Variants in KIAA0408 observed in about 807,000 individuals in gnomAD.
KIAA0408 encodes the protein uncharacterized protein KIAA0408.
Under a neutral mutation model 60.9 loss-of-function variants are expected in KIAA0408, and 51 were observed. That is an observed-to-expected ratio of 0.84 (90% CI 0.67 to 1.06). The LOEUF (loss-of-function observed/expected upper bound fraction) is 1.06, where lower values mean the gene tolerates loss of function less well. KIAA0408 is among the 50% of genes least tolerant of loss of function. The pLI is 0.00. For synonymous variants in KIAA0408, 304 were observed against 282.4 expected (o/e 1.08, Z -0.77); for missense variants, 787 against 833.9 (o/e 0.94, Z 0.69).
chr6:127,444,014 G>T lies in KIAA0408; in HGVS notation c.*95C>A. On this transcript the variant is annotated 3_prime_UTR_variant, in exon 6 of 6. Transcript: ENST00000483725. ...TGGAAAGTTAAGATTCAAATTGCTTGTCGGAAGAGAACAGGTCCGCCTGTA... is the reference window on the plus strand; with the variant it reads ...TGGAAAGTTAAGATTCAAATTGCTTTTCGGAAGAGAACAGGTCCGCCTGTA... 1 of 1,081,622 alleles carries T rather than the reference G, an allele frequency of 9.2e-7. No individual in the cohort carries two copies. Among genetic ancestry groups the T allele is most frequent in the Non-Finnish European group, 1.4e-6 (1 of 736,946 alleles). 67.0% of individuals were successfully genotyped at this position (1,081,622 alleles called of 1,614,324 possible). A position where few individuals can be genotyped will look rare whatever the true frequency, so the allele number is the denominator to read the frequency against.
In KIAA0408 at chr6:127,438,935, G is replaced by C. The variant is rs1054349684; in HGVS notation, c.*5174C>G. 2 of 152,102 alleles carry C rather than the reference G, an allele frequency of 1.3e-5. No individual in the cohort carries two copies. The highest frequency in any genetic ancestry group is 4.8e-5 in the African/African-American group (2 of 41,412). 9.4% of individuals were successfully genotyped at this position (152,102 alleles called of 1,614,324 possible). A position where few individuals can be genotyped will look rare whatever the true frequency, so the allele number is the denominator to read the frequency against. ...TTTAGGAGGTGATTGGATTATGAAGGCTTCTCTTTCATGAATGGGATTTAA... is the reference window on the plus strand; with the variant it reads ...TTTAGGAGGTGATTGGATTATGAAGCCTTCTCTTTCATGAATGGGATTTAA... On this transcript the variant is annotated 3_prime_UTR_variant, in exon 6 of 6. Coordinates refer to ENST00000483725, the MANE Select transcript of KIAA0408 (RefSeq NM_014702.5).
intron 2 of KIAA0408, among the ~76,000 whole-genome samples, chr6:127,452,332 T>C (rs1431669819): frequency 6.6e-6 from 1 of 152,096 alleles, no homozygotes; most frequent in Non-Finnish European, 1.5e-5. Context: ...TTAGTTTAGT[T>C]ATGGAGCTGT....
chr6:127,444,189 A>G lies in KIAA0408; in HGVS notation c.2005T>C (p.Ser669Pro). The change falls in exon 6 of 6, where the codon TCT becomes CCT. Residue 669 changes from serine (S) to proline (P), a missense_variant. By Grantham distance (74) the Ser-to-Pro change is moderately conservative. Coordinates refer to ENST00000483725, the MANE Select transcript of KIAA0408 (RefSeq NM_014702.5). ...RRLPSRWASR[S>P]PSAPPALRRT... is the part of the protein sequence containing the mutation. The stretch of plus-strand genomic sequence containing the variant: ...CGCAAGGCAGGGGGTGCAGATGGAG[A>G]TCTGGATGCCCATCTGGAGGGGAGA... 4 of 1,613,732 alleles carry G rather than the reference A, an allele frequency of 2.5e-6. No individual in the cohort carries two copies. Among genetic ancestry groups the G allele is most frequent in the South Asian group, 2.2e-5 (2 of 91,050 alleles).
In KIAA0408 at chr6:127,444,016, CG is replaced by C. The variant is rs916043040; in HGVS notation, c.*92del. The C allele has an allele frequency of 1.9e-5, 21 of 1,109,048 alleles. No homozygotes were observed. Among genetic ancestry groups the C allele is most frequent in the Middle Eastern group, 2.1e-4 (1 of 4,768 alleles). 68.7% of individuals were successfully genotyped at this position (1,109,048 alleles called of 1,614,324 possible). On this transcript the variant is annotated 3_prime_UTR_variant, in exon 6 of 6. Transcript: ENST00000483725. Reference sequence around the variant, plus strand: ...GAAAGTTAAGATTCAAATTGCTTGTCGGAAGAGAACAGGTCCGCCTGTAAAC... The same window carrying C: ...GAAAGTTAAGATTCAAATTGCTTGTCGAAGAGAACAGGTCCGCCTGTAAAC...
intron 5 of KIAA0408, among the ~76,000 whole-genome samples, chr6:127,445,695 A>C (rs1773179372): frequency 6.6e-6 from 1 of 152,154 alleles, no homozygotes; most frequent in Admixed American, 6.5e-5. Flanking sequence ...TGTAAATACC[A>C]ATTTCTTTGA....
chr6:127,456,536 T>A (rs72958504), intron 1 of KIAA0408, among the ~76,000 whole-genome samples: 161 of 152,228 alleles, frequency 1.1e-3, no homozygotes, highest in Non-Finnish European at 2.0e-3. Context: ...GCCAAACTCA[T>A]CCCTTAATAT....
At chr6:127,458,430 A>G (rs1773432449) in intron 1 of KIAA0408, among the ~76,000 whole-genome samples, 1 of 152,186 alleles carries the variant, frequency 6.6e-6, no homozygotes, top group South Asian at 2.1e-4. Flanking sequence ...TGCAATTCCG[A>G]ATGAATCAAC....
At chr6:127,452,867 T>C (rs1390292443) in intron 2 of KIAA0408, among the ~76,000 whole-genome samples, 3 of 152,078 alleles carry the variant, frequency 2.0e-5, no homozygotes, top group African/African-American at 7.2e-5. Context: ...TATTCTCCTT[T>C]AATCCCTAAT....
Position 127,447,518 on chromosome 6 carries a change from A to G in KIAA0408, c.801T>C (p.Val267=). Reference sequence around the variant, plus strand: ...TTCGAGAGGTGCTTCTTGGAGGAGGAACTGGTGGAGTTTCATTTCTTTTTA... The same window carrying G: ...TTCGAGAGGTGCTTCTTGGAGGAGGGACTGGTGGAGTTTCATTTCTTTTTA... ...IDLKRNETPP[V]PPPRSTSRNF... The change falls in exon 5 of 6, where the codon GTT becomes GTC. Residue 267 remains valine (V), a synonymous_variant. Transcript: ENST00000483725. 1 of 1,610,800 alleles carries G rather than the reference A, an allele frequency of 6.2e-7. No homozygotes were observed.
rs573515663 is a variant in KIAA0408, at chr6:127,453,886, C to T, written c.96G>A (p.Trp32Ter). ...LDQFDNERKE[W>*]ESQWKIMQKK... ...TCTGCATAATCTTCCATTGACTTTC[C>T]CATTCCTTTCTTTCATTGTCAAACT... is the stretch of plus-strand genomic sequence containing the variant. Residue 32 changes from tryptophan (W) to a stop codon, truncating the protein, a stop_gained, in exon 2 of 6, where the codon TGG (tryptophan) becomes TGA (stop). Transcript: ENST00000483725. LOFTEE classifies it high-confidence loss of function. 1.9e-6 allele frequency: 3 copies of T among 1,612,768 alleles called. No individual in the cohort carries two copies. In the Admixed American group the frequency reaches 5.0e-5, roughly 27 times the overall value.
chr6:127,458,956 A>G lies in KIAA0408; in HGVS notation c.-121+219T>C, dbSNP rs62437352. On this transcript the variant is annotated intron_variant, in intron 1 of 5. Coordinates refer to ENST00000483725, the MANE Select transcript of KIAA0408 (RefSeq NM_014702.5). ...CTGTCAGTCCACAGTTGGGAAATCC[A>G]CCCTGAGCAGCTGAACAGCCTTTTT... Among the ~76,000 whole-genome samples, 862 of 152,282 alleles carry G rather than the reference A, an allele frequency of 5.7e-3. 5 individuals carry two copies. Among genetic ancestry groups the G allele is most frequent in the South Asian group, 0.028 (136 of 4,832 alleles).
Position 127,444,177 on chromosome 6 carries a change from G to C in KIAA0408, c.2017C>G (p.Pro673Ala). 6.2e-7 allele frequency: 1 copy of C among 1,613,736 alleles called. No individual in the cohort carries two copies. The highest frequency in any genetic ancestry group is 1.3e-5 in the African/African-American group (1 of 75,004). The change falls in exon 6 of 6, where the codon CCC becomes GCC. Residue 673 changes from proline (P) to alanine (A), a missense_variant. Coordinates refer to ENST00000483725, the MANE Select transcript of KIAA0408 (RefSeq NM_014702.5). ...TGGGTAGTTCTCCGCAAGGCAGGGG[G>C]TGCAGATGGAGATCTGGATGCCCAT... ...SRWASRSPSA[P>A]PALRRTTHNY...
At chr6:127,450,621 G>C (rs1025128034) in intron 2 of KIAA0408, 1 of 318,122 alleles carries the variant, frequency 3.1e-6, no homozygotes, top group East Asian at 6.2e-5. Context: ...AAATAAATCT[G>C]TATCTGTATA....
chr6:127,445,298 T>C (rs1373556807), intron 5 of KIAA0408, among the ~76,000 whole-genome samples: 1 of 152,196 alleles, frequency 6.6e-6, no homozygotes, highest in African/African-American at 2.4e-5. Context: ...TATTTCTTGT[T>C]AGTTAACAAG....
At chr6:127,452,891 C>A (rs1239228673) in intron 2 of KIAA0408, among the ~76,000 whole-genome samples, 2 of 152,048 alleles carry the variant, frequency 1.3e-5, no homozygotes, top group Non-Finnish European at 2.9e-5. Flanking sequence ...ACACCACATG[C>A]CTGCCTTCTC....
At chr6:127,453,801 C>G (rs2114803394) in intron 2 of KIAA0408, 46 bp downstream of exon 2, 1 of 1,575,922 alleles carries the variant, frequency 6.3e-7, no homozygotes, top group Non-Finnish European at 8.6e-7. Flanking sequence ...GAATTTTCAT[C>G]CTGCACTTAA....
At chr6:127,454,155 T>C (rs1275726541) in intron 1 of KIAA0408, 54 bp from the exon 2 acceptor site, 3 of 1,275,224 alleles carry the variant, frequency 2.4e-6, no homozygotes, top group Admixed American at 3.9e-5. Context: ...TCTGGAAATA[T>C]ATTTTATCAT....
Position 127,446,420 on chromosome 6 carries a change from T to A in KIAA0408, c.1899A>T (p.Lys633Asn), listed in dbSNP as rs756293152. 5.6e-6 allele frequency: 9 copies of A among 1,606,022 alleles called. No homozygotes were observed. Among genetic ancestry groups the A allele is most frequent in the Non-Finnish European group, 7.7e-6 (9 of 1,173,712 alleles). ...TTTGCTTTCTCACCTCTGTTATCTT[T>A]TTCGGATCTATTCCTTGCTTCACTT... ...GQEVKQGIDP[K>N]KITEESMSVN... Residue 633 changes from lysine (K) to asparagine (N), a missense_variant, in exon 5 of 6, where the codon AAA becomes AAT. This residue lies in a region of KIAA0408 where 133 missense variants were observed against 119.2 expected (regional missense o/e 1.12). Transcript: ENST00000483725.
chr6:127,458,439 A>G (rs1312625104), intron 1 of KIAA0408, among the ~76,000 whole-genome samples: 1 of 152,186 alleles, frequency 6.6e-6, no homozygotes, highest in Non-Finnish European at 1.5e-5. Context: ...GAATGAATCA[A>G]CTTTACCGTT....
Sources: gnomAD v4.1 joint callset for allele counts (sites outside exome capture counted in the v4.1 genomes callset) on GRCh38, gnomAD v4.1.1 for gene constraint, gnomAD v4.1.1 regional missense constraint, MANE v1.5 for transcripts, NCBI Gene and HGNC (gene_info 2026-07-23, HGNC 2026-07-21) for gene names.